TTC28: variants seen among roughly 807,000 people sequenced by gnomAD.
TTC28 encodes tetratricopeptide repeat domain 28.
In TTC28, 61 loss-of-function variants were observed where a neutral mutation model predicts 198.0. That is an observed-to-expected ratio of 0.31 (90% CI 0.25 to 0.38). The LOEUF is 0.38. Ranked by LOEUF, TTC28 falls within the 10% of genes least tolerant of loss-of-function variation. The pLI, the probability that TTC28 is intolerant of heterozygous loss-of-function variation, is 1.00. For missense variants in TTC28, 2,678 were observed against 3,164.0 expected (o/e 0.85, Z 3.69); for synonymous variants, 1,171 against 1,297.8 (o/e 0.90, Z 2.10).
In TTC28 at chr22:27,998,904, C is replaced by T. The variant is rs1441348824; in HGVS notation, c.4755G>A (p.Val1585=). 1.3e-6 allele frequency: 2 copies of T among 1,550,572 alleles called. No individual in the cohort carries two copies. Among genetic ancestry groups the T allele is most frequent in the Admixed American group, 3.9e-5 (2 of 51,012 alleles). ...TCTCCCCATCACTGGCATCGTCCTG[C>T]ACCCGCAAGGACTCAGGGATCGTGT... ...HPYTIPESLR[V]QDDASDGESI... Residue 1585 remains valine (V), a synonymous_variant, in exon 16 of 23, where the codon GTG becomes GTA. Transcript: ENST00000397906.
intron 21 of TTC28, among the ~76,000 whole-genome samples, chr22:27,989,174 G>A (rs941064151): frequency 7.2e-5 from 11 of 152,286 alleles, no homozygotes; most frequent in South Asian, 4.1e-4. Context: ...ACACCTGCAC[G>A]TTACAAATGG....
chr22:28,516,651 T>G (rs1159743209), intron 2 of TTC28, among the ~76,000 whole-genome samples: 1 of 151,982 alleles, frequency 6.6e-6, no homozygotes, highest in Non-Finnish European at 1.5e-5. Flanking sequence ...AGGAGAAATA[T>G]CTAACGTAAA....
In TTC28 at chr22:28,352,158, C is replaced by CAAAACTG. The variant is rs2046006237; in HGVS notation, c.382-45522_382-45516dup. Among the ~76,000 whole-genome samples, 6 of 152,124 alleles carry CAAAACTG rather than the reference C, an allele frequency of 3.9e-5. No individual in the cohort carries two copies. In the South Asian group the frequency reaches 1.2e-3, roughly 32 times the overall value. On this transcript the variant is annotated intron_variant, in intron 2 of 22. Transcript: ENST00000397906. ...TTTTCACCAATGATCTATAAACTTTCAAAACTGAAAACCAATGCCTTAGAT... is the reference window on the plus strand; with the variant it reads ...TTTTCACCAATGATCTATAAACTTTCAAAACTGAAAACTGAAAACCAATGCCTTAGAT...
intron 12 of TTC28, among the ~76,000 whole-genome samples, chr22:28,044,478 G>T (rs1276604329): frequency 6.6e-6 from 1 of 151,800 alleles, no homozygotes; most frequent in Non-Finnish European, 1.5e-5. Context: ...TACTTTAAAG[G>T]TTTTAGAGTA....
intron 2 of TTC28, among the ~76,000 whole-genome samples, chr22:28,445,324 A>C (rs1172313269): frequency 6.6e-6 from 1 of 152,242 alleles, no homozygotes; most frequent in Non-Finnish European, 1.5e-5. Context: ...ACCTGTAAGA[A>C]GACAACCAGG....
chr22:28,302,685 T>C (rs932244079), intron 3 of TTC28, among the ~76,000 whole-genome samples: 1 of 152,126 alleles, frequency 6.6e-6, no homozygotes, highest in Non-Finnish European at 1.5e-5. Flanking sequence ...TTTTTTGTTT[T>C]TTTAAGACGG....
chr22:28,221,413 C>G (rs1927852407), intron 5 of TTC28, among the ~76,000 whole-genome samples: 1 of 152,180 alleles, frequency 6.6e-6, no homozygotes, highest in Admixed American at 6.5e-5. Context: ...TCCAGAGACT[C>G]ACCTGGTCAG....
intron 2 of TTC28, among the ~76,000 whole-genome samples, chr22:28,334,422 G>A (rs557062316): frequency 8.5e-5 from 13 of 152,256 alleles, no homozygotes; most frequent in African/African-American, 2.4e-4. Flanking sequence ...CTGAGGAATC[G>A]CCACACTGAT....
intron 2 of TTC28, among the ~76,000 whole-genome samples, chr22:28,370,405 T>C (rs1173608142): frequency 6.6e-6 from 1 of 152,190 alleles, no homozygotes; most frequent in Non-Finnish European, 1.5e-5. Context: ...GCACCTTCAT[T>C]ATATTCTCCT....
intron 2 of TTC28, among the ~76,000 whole-genome samples, chr22:28,487,216 T>C (rs931516034): frequency 6.6e-6 from 1 of 152,024 alleles, no homozygotes; most frequent in African/African-American, 2.4e-5. Flanking sequence ...TTTTCCAAAA[T>C]GAATATAGCT....
At chr22:28,590,291 A>AT (rs2050404323) in intron 2 of TTC28, among the ~76,000 whole-genome samples, 1 of 151,392 alleles carries the variant, frequency 6.6e-6, no homozygotes, top group Non-Finnish European at 1.5e-5. Context: ...CCACACCCAG[A>AT]TAATTTTTTT....
chr22:28,074,408 A>G (rs968908590), intron 12 of TTC28, among the ~76,000 whole-genome samples: 2 of 152,222 alleles, frequency 1.3e-5, no homozygotes, highest in Admixed American at 6.5e-5. Context: ...TAATCAACAG[A>G]TTCAGAATCC....
At chr22:28,139,703 C>G (rs1300930564) in intron 6 of TTC28, among the ~76,000 whole-genome samples, 1 of 149,900 alleles carries the variant, frequency 6.7e-6, no homozygotes. Context: ...AGCTGAAGTT[C>G]CTTTTTTTTT....
At chr22:28,495,033 G>A (rs2048434228) in intron 2 of TTC28, among the ~76,000 whole-genome samples, 1 of 151,752 alleles carries the variant, frequency 6.6e-6, no homozygotes, top group African/African-American at 2.4e-5. Context: ...AAATGTTGCA[G>A]GAAACAGATT....
intron 5 of TTC28, among the ~76,000 whole-genome samples, chr22:28,234,265 C>A (rs538845085): frequency 6.6e-6 from 1 of 152,176 alleles, no homozygotes; most frequent in South Asian, 2.1e-4. Context: ...TGGTCTCGAA[C>A]TCCTGAGCTC....
Position 27,998,831 on chromosome 22 carries a change from C to T in TTC28, c.4828G>A (p.Asp1610Asn), listed in dbSNP as rs1472154553. The T allele has an allele frequency of 1.8e-5, 28 of 1,550,202 alleles. No individual in the cohort carries two copies. The highest frequency in any genetic ancestry group is 5.9e-5 in the Admixed American group (3 of 50,994). The change falls in exon 16 of 23, where the codon GAC becomes AAC. Residue 1610 changes from aspartate (D) to asparagine (N), a missense_variant. Transcript: ENST00000397906. Reference sequence around the variant, plus strand: ...ACAGGCAGCTGCAGGTCCAGGACGTCGGCGGCAGTAAGCAGCAGCTCCTGC... The same window carrying T: ...ACAGGCAGCTGCAGGTCCAGGACGTTGGCGGCAGTAAGCAGCAGCTCCTGC... The part of the protein sequence containing the change: ...PLQELLLTAA[D>N]VLDLQLPVKL...
intron 2 of TTC28, among the ~76,000 whole-genome samples, chr22:28,503,873 T>C (rs1294112362): frequency 6.6e-6 from 1 of 152,200 alleles, no homozygotes; most frequent in Non-Finnish European, 1.5e-5. Flanking sequence ...CAAGAAAGCG[T>C]GTCAGGTCTA....
chr22:28,579,477 TTATA>T (rs1003766920), intron 2 of TTC28, among the ~76,000 whole-genome samples: 69 of 148,618 alleles, frequency 4.6e-4, no homozygotes, highest in Admixed American at 8.8e-4. Context: ...ATATTACTAA[TTATA>T]TATAGTTATA....
chr22:28,066,895 C>T (rs947612972), intron 12 of TTC28, among the ~76,000 whole-genome samples: 1 of 152,110 alleles, frequency 6.6e-6, no homozygotes, highest in African/African-American at 2.4e-5. Flanking sequence ...ACTGCACCCC[C>T]TACCTTGCTT....
Sources: allele counts gnomAD v4.1 joint callset (sites outside exome capture counted in the v4.1 genomes callset), GRCh38; gene constraint gnomAD v4.1.1; transcripts MANE v1.5; gene names NCBI Gene and HGNC (gene_info 2026-07-23, HGNC 2026-07-21).